GUCY1A2: variants seen among roughly 807,000 people sequenced by gnomAD.
The protein encoded by GUCY1A2 is guanylate cyclase soluble subunit alpha-2.
In GUCY1A2, 27 loss-of-function variants were observed where a neutral mutation model predicts 63.5. The ratio of observed to expected loss-of-function variants is 0.43; its 90% CI spans 0.31 to 0.59. GUCY1A2 has a LOEUF of 0.59. Ranked by LOEUF, GUCY1A2 falls within the 20% of genes least tolerant of loss-of-function variation. The pLI is 0.11. For missense variants in GUCY1A2, 768 were observed against 913.3 expected, an observed-to-expected ratio of 0.84 and a Z score of 2.05; for synonymous variants, 364 against 343.5, an observed-to-expected ratio of 1.06 and a Z score of -0.66.
Position 106,675,128 on chromosome 11 carries a change from T to C in GUCY1A2, c.*12421A>G, listed in dbSNP as rs1410355901. ...GGTAGGTTGATTTTGAAATGAATGA[T>C]ATGTATTATTTCTGGAATGCACTTA... is the stretch of plus-strand genomic sequence containing the variant. On this transcript the variant is annotated 3_prime_UTR_variant, in exon 8 of 8. Coordinates refer to ENST00000526355, the MANE Select transcript of GUCY1A2 (RefSeq NM_000855.3). The C allele has an allele frequency of 4.7e-6, 1 of 213,580 alleles. No individual in the cohort carries two copies. The highest frequency in any genetic ancestry group is 7.0e-5 in the East Asian group (1 of 14,356). 13.2% of individuals were successfully genotyped at this position (213,580 alleles called of 1,614,324 possible). A position where few individuals can be genotyped will look rare whatever the true frequency, so the allele number is the denominator to read the frequency against.
chr11:106,809,749 G>C (rs1249990753), intron 5 of GUCY1A2, among the ~76,000 whole-genome samples: 1 of 151,952 alleles, frequency 6.6e-6, no homozygotes, highest in African/African-American at 2.4e-5. Context: ...ACTTAGAGGA[G>C]TAGCTATATA....
rs913528955 is a variant in GUCY1A2 at position 106,779,988 on chromosome 11, C to A, written c.1693-3406G>T. Among the ~76,000 whole-genome samples, 3 of 152,114 alleles carry A rather than the reference C, an allele frequency of 2.0e-5. No homozygotes were observed. The East Asian group carries it at 5.8e-4, about 29-fold the overall frequency. On this transcript the variant is annotated intron_variant, in intron 5 of 7. Transcript: ENST00000526355. ...TTGAGTCCAGGAGTTCAAGACCAGC[C>A]TGGGCAACAGTGAGACCTCAATCTT...
intron 4 of GUCY1A2, among the ~76,000 whole-genome samples, chr11:106,897,612 C>T (rs1384671801): frequency 6.6e-6 from 1 of 151,630 alleles, no homozygotes; most frequent in Non-Finnish European, 1.5e-5. Flanking sequence ...AAAAAAGATA[C>T]CTTTTTTCAA....
At chr11:106,834,053 A>T (rs962464800) in intron 4 of GUCY1A2, among the ~76,000 whole-genome samples, 1 of 152,144 alleles carries the variant, frequency 6.6e-6, no homozygotes, top group Middle Eastern at 3.4e-3. Flanking sequence ...CATATTTCAC[A>T]TATTTATTTT....
chr11:106,744,076 A>G (rs923271720), intron 6 of GUCY1A2, among the ~76,000 whole-genome samples: 4 of 152,206 alleles, frequency 2.6e-5, no homozygotes, highest in Admixed American at 6.5e-5. Flanking sequence ...AATAAGGAGT[A>G]TTCCTATCAC....
chr11:106,765,517 A>G (rs1864147723), intron 6 of GUCY1A2, among the ~76,000 whole-genome samples: 1 of 152,122 alleles, frequency 6.6e-6, no homozygotes, highest in Admixed American at 6.6e-5. Flanking sequence ...TGTTTAGAAA[A>G]TCATAAGCAT....
intron 3 of GUCY1A2, among the ~76,000 whole-genome samples, chr11:106,968,960 T>G (rs1292253944): frequency 6.6e-6 from 1 of 152,022 alleles, no homozygotes; most frequent in African/African-American, 2.4e-5. Context: ...AAAAGAGCAC[T>G]CCAAAACACC....
At chr11:106,868,661 C>G (rs1260963292) in intron 4 of GUCY1A2, among the ~76,000 whole-genome samples, 1 of 152,082 alleles carries the variant, frequency 6.6e-6, no homozygotes, top group Non-Finnish European at 1.5e-5. Context: ...GAATCAATAT[C>G]ATGAAAATGG....
intron 4 of GUCY1A2, among the ~76,000 whole-genome samples, chr11:106,897,832 T>C (rs1356571158): frequency 6.6e-6 from 1 of 152,018 alleles, no homozygotes; most frequent in Non-Finnish European, 1.5e-5. Flanking sequence ...AAAGGCATGA[T>C]GTATTTAAAA....
chr11:106,906,951 G>A (rs1860216927), intron 4 of GUCY1A2, among the ~76,000 whole-genome samples: 1 of 152,106 alleles, frequency 6.6e-6, no homozygotes, highest in Non-Finnish European at 1.5e-5. Context: ...TGGGGACTAG[G>A]GGAGGGATAG....
chr11:106,940,095 C>A lies in GUCY1A2; in HGVS notation c.571G>T (p.Ala191Ser), dbSNP rs1860733075. Residue 191 changes from alanine to serine, a missense_variant, in exon 4 of 8, where the codon GCT becomes TCT. By Grantham distance (99) the Ala-to-Ser change is moderately conservative. Around this residue, in one of 3 missense-constraint regions of GUCY1A2, gnomAD observed 496 missense variants for 486.9 expected, o/e 1.02. Coordinates refer to ENST00000526355, the MANE Select transcript of GUCY1A2 (RefSeq NM_000855.3). ...AAGTCCTGCAAAGTGCCACCTACAG[C>A]TCGAAGGACTCTCTCATTCTCATGA... is the stretch of plus-strand genomic sequence containing the variant. ...CFHENERVLR[A>S]VGGTLQDFFN... 4 of 1,612,778 alleles carry A rather than the reference C, an allele frequency of 2.5e-6. No homozygotes were observed. Among genetic ancestry groups the A allele is most frequent in the Non-Finnish European group, 3.4e-6 (4 of 1,178,790 alleles).
chr11:106,800,248 G>C lies in GUCY1A2; in HGVS notation c.1692+9745C>G, dbSNP rs540153344. Among the ~76,000 whole-genome samples, 27 of 152,288 alleles carry C rather than the reference G, an allele frequency of 1.8e-4. No individual in the cohort carries two copies. In the South Asian group the frequency reaches 5.4e-3, roughly 30 times the overall value. On this transcript the variant is annotated intron_variant, in intron 5 of 7. Transcript: ENST00000526355. ...AACAGTCAGGAAACAACAGGTGCTGGAGAGGATGTGGAGAAATAGGAACAC... is the reference window on the plus strand; with the variant it reads ...AACAGTCAGGAAACAACAGGTGCTGCAGAGGATGTGGAGAAATAGGAACAC...
intron 3 of GUCY1A2, among the ~76,000 whole-genome samples, chr11:106,958,180 A>G (rs911673189): frequency 6.6e-6 from 1 of 152,196 alleles, no homozygotes; most frequent in Non-Finnish European, 1.5e-5. Flanking sequence ...TGTTTAAAGC[A>G]GAATTTGTGA....
chr11:106,859,562 G>A (rs913859158), intron 4 of GUCY1A2, among the ~76,000 whole-genome samples: 2 of 151,924 alleles, frequency 1.3e-5, no homozygotes, highest in Non-Finnish European at 2.9e-5. Flanking sequence ...TAGTCAGACA[G>A]ATTCCTGTTC....
At chr11:106,713,222 G>A (rs1293507572) in intron 6 of GUCY1A2, among the ~76,000 whole-genome samples, 1 of 152,062 alleles carries the variant, frequency 6.6e-6, no homozygotes, top group Non-Finnish European at 1.5e-5. Flanking sequence ...CATGAAAACT[G>A]TTCTTTTGTA....
At position 106,708,038 on chromosome 11, in the gene GUCY1A2, C is replaced by T. The variant is rs773792809; in HGVS notation, c.1991+474G>A. ...TTCCAAAACTCAAAAAATTTCAAAC[C>T]GTAAAACACTTGTGGTCCCAAGCAT... On this transcript the variant is annotated intron_variant, in intron 7 of 7. Coordinates refer to ENST00000526355, the MANE Select transcript of GUCY1A2 (RefSeq NM_000855.3). Among the ~76,000 whole-genome samples the T allele has an allele frequency of 5.3e-5, 8 of 151,694 alleles. No homozygotes were observed. In the South Asian group the frequency reaches 1.5e-3, roughly 28 times the overall value.
At chr11:106,951,670 C>T (rs552968231) in intron 3 of GUCY1A2, among the ~76,000 whole-genome samples, 1 of 152,122 alleles carries the variant, frequency 6.6e-6, no homozygotes, top group African/African-American at 2.4e-5. Flanking sequence ...CAAAACTTTT[C>T]TCCCATTCTG....
In GUCY1A2 at chr11:106,789,885, G is replaced by A. The variant is rs538310394; in HGVS notation, c.1693-13303C>T. 1.4e-3 allele frequency among the ~76,000 whole-genome samples: 210 copies of A among 152,236 alleles called. 1 individual carries two copies. Among genetic ancestry groups the A allele is most frequent in the African/African-American group, 4.8e-3 (198 of 41,534 alleles). Reference sequence around the variant, plus strand: ...TCTCTCTCTCTGTGCTGAGCCACCTGGGGCTTGGGATAGAGGGACACAAAC... The same window carrying A: ...TCTCTCTCTCTGTGCTGAGCCACCTAGGGCTTGGGATAGAGGGACACAAAC... On this transcript the variant is annotated intron_variant, in intron 5 of 7. Transcript: ENST00000526355.
intron 6 of GUCY1A2, among the ~76,000 whole-genome samples, chr11:106,775,676 G>A (rs1164741662): frequency 6.6e-6 from 1 of 151,770 alleles, no homozygotes; most frequent in Non-Finnish European, 1.5e-5. Flanking sequence ...CATATTTTTA[G>A]CCATTTCCTG....
Sources: allele counts gnomAD v4.1 joint callset (sites outside exome capture counted in the v4.1 genomes callset), GRCh38; gene constraint gnomAD v4.1.1; regional missense constraint gnomAD v4.1.1; transcripts MANE v1.5; gene names NCBI Gene and HGNC (gene_info 2026-07-23, HGNC 2026-07-21).